Variants in TTC7A observed in about 807,000 individuals in gnomAD.
TTC7A encodes the protein tetratricopeptide repeat protein 7A.
In TTC7A, 110 loss-of-function variants were observed where a neutral mutation model predicts 103.7. The ratio of observed to expected loss-of-function variants is 1.06; its 90% CI spans 0.91 to 1.24. The LOEUF (loss-of-function observed/expected upper bound fraction) is 1.24. Ranked by LOEUF, TTC7A falls within the 50% of genes most tolerant of loss-of-function variation. TTC7A has a pLI of 0.00. For missense variants in TTC7A, 1,340 were observed against 1,116.3 expected (o/e 1.20, Z -2.86); for synonymous variants, 521 against 467.9 (o/e 1.11, Z -1.47).
intron 15 of TTC7A, among the ~76,000 whole-genome samples, chr2:47,030,330 G>T (rs901643032): frequency 5.3e-5 from 8 of 152,162 alleles, no homozygotes; most frequent in African/African-American, 1.9e-4. Context: ...AGTGGTGCCA[G>T]CCTAGGGAGG....
chr2:46,997,724 T>C (rs1363619871), intron 8 of TTC7A, among the ~76,000 whole-genome samples: 1 of 152,144 alleles, frequency 6.6e-6, no homozygotes, highest in Admixed American at 6.5e-5. Flanking sequence ...GAGGTGACTT[T>C]GGGGATCAGA....
chr2:47,000,067 C>G (rs184967796), intron 8 of TTC7A, among the ~76,000 whole-genome samples: 26 of 152,308 alleles, frequency 1.7e-4, no homozygotes, highest in Non-Finnish European at 2.8e-4. Context: ...CTAATAAGAT[C>G]TTTCTTGTAT....
intron 3 of TTC7A, among the ~76,000 whole-genome samples, chr2:46,969,159 T>C (rs2104163505): frequency 6.6e-6 from 1 of 152,054 alleles, no homozygotes; most frequent in East Asian, 1.9e-4. Context: ...TTTGCACATG[T>C]AATTTTTAAG....
At chr2:46,942,311 C>T (rs371096495) in intron 1 of TTC7A, among the ~76,000 whole-genome samples, 1 of 152,188 alleles carries the variant, frequency 6.6e-6, no homozygotes, top group African/African-American at 2.4e-5. Flanking sequence ...GGGCCGGGCT[C>T]TTGTGCTGGG....
chr2:46,923,736 C>CT (rs113000969), intron 2 of TTC7A, among the ~76,000 whole-genome samples: 1,890 of 145,676 alleles, frequency 0.013, 37 homozygotes, highest in African/African-American at 0.042. Flanking sequence ...TATAGAAAAA[C>CT]TTTTTTTTTT....
At chr2:47,004,100 CA>C (rs1355086814) in intron 8 of TTC7A, among the ~76,000 whole-genome samples, 1 of 152,232 alleles carries the variant, frequency 6.6e-6, no homozygotes, top group Middle Eastern at 3.2e-3. Context: ...TCCTGTTCCA[CA>C]GGCTGACTCC....
chr2:47,060,981 AG>A lies in TTC7A; in HGVS notation c.2355+11del. The A allele has an allele frequency of 6.3e-7, 1 of 1,586,926 alleles. No homozygotes were observed. The highest frequency in any genetic ancestry group is 1.3e-5 in the African/African-American group (1 of 74,584). The stretch of plus-strand genomic sequence containing the variant: ...CATCATGCATAGCCTGGTGAGTCAG[AG>A]CCCCCCGCGCTCCCACCACCTCCTC... On this transcript the variant is annotated intron_variant, in intron 19 of 19. Transcript: ENST00000319190.
At chr2:47,028,822 G>T (rs1680194547) in intron 14 of TTC7A, among the ~76,000 whole-genome samples, 1 of 152,116 alleles carries the variant, frequency 6.6e-6, no homozygotes, top group Non-Finnish European at 1.5e-5. Context: ...TTCCCTTCCT[G>T]TGGTCAAGCT....
intron 2 of TTC7A, among the ~76,000 whole-genome samples, chr2:46,934,721 C>T (rs1669878362): frequency 6.8e-6 from 1 of 147,616 alleles, no homozygotes; most frequent in Non-Finnish European, 1.5e-5. Context: ...ACCCGCACTT[C>T]AAAACCATCA....
In TTC7A at chr2:47,049,980, G is replaced by A; in HGVS notation, c.1951G>A (p.Gly651Ser). The A allele has an allele frequency of 6.2e-7, 1 of 1,614,130 alleles. No individual in the cohort carries two copies. The highest frequency in any genetic ancestry group is 8.5e-7 in the Non-Finnish European group (1 of 1,180,026). The change falls in exon 17 of 20, where the codon GGC (glycine) becomes AGC (serine). Residue 651 changes from glycine to serine, a missense_variant. Coordinates refer to ENST00000319190, the MANE Select transcript of TTC7A (RefSeq NM_020458.4). ...AGAAAAGGATGGCAGCTTCGGTGAG[G>A]GCCTCACCATGAAGAAGCAGAGTGG... ...GLEKDGSFGE[G>S]LTMKKQSGMH...
upstream of TTC7A, chr2:46,915,879 G>A (rs923627133): frequency 5.1e-6 from 5 of 976,916 alleles, no homozygotes; most frequent in African/African-American, 7.1e-5. Flanking sequence ...GGCGCCGCCG[G>A]GCCCCTCCCG....
At chr2:47,062,676 C>T (rs946226814) in intron 19 of TTC7A, among the ~76,000 whole-genome samples, 3 of 152,220 alleles carry the variant, frequency 2.0e-5, no homozygotes, top group African/African-American at 2.4e-5. Flanking sequence ...CAACAGAATC[C>T]AATAACAAGT....
chr2:47,011,280 T>C, intron 10 of TTC7A, 51 bp from the exon 11 acceptor site: 1 of 1,555,300 alleles, frequency 6.4e-7, no homozygotes, highest in Non-Finnish European at 8.8e-7. Context: ...CTGTGGGCCC[T>C]TGAGATCCAG....
Position 47,024,310 on chromosome 2 carries a change from A to AC in TTC7A, c.1597dup (p.Gln533ProfsTer33). The AC allele has an allele frequency of 1.2e-6, 2 of 1,606,526 alleles. No individual in the cohort carries two copies. The highest frequency in any genetic ancestry group is 1.3e-5 in the African/African-American group (1 of 74,434). On this transcript the variant is annotated frameshift_variant, in exon 14 of 20. Coordinates refer to ENST00000319190, the MANE Select transcript of TTC7A (RefSeq NM_020458.4). LOFTEE classifies it high-confidence loss of function. Reference sequence around the variant, plus strand: ...AGGGCTCAGCAGCTGGCGCCCAGTGACCCCCAGGTCATCCTCTATGTCTCG... The same window carrying AC: ...AGGGCTCAGCAGCTGGCGCCCAGTGACCCCCCAGGTCATCCTCTATGTCTCG...
intron 2 of TTC7A, among the ~76,000 whole-genome samples, chr2:46,924,865 A>C (rs911905994): frequency 6.6e-6 from 1 of 152,220 alleles, no homozygotes; most frequent in Non-Finnish European, 1.5e-5. Flanking sequence ...GGGCTCAAGC[A>C]ATCTGCCTGC....
At chr2:47,018,301 G>A (rs1678896421) in intron 11 of TTC7A, among the ~76,000 whole-genome samples, 1 of 150,284 alleles carries the variant, frequency 6.7e-6, no homozygotes, top group Non-Finnish European at 1.5e-5. Flanking sequence ...AAAAAAAGCT[G>A]GCCAGGCACA....
At chr2:46,975,722 A>G (rs2104239062) in intron 4 of TTC7A, among the ~76,000 whole-genome samples, 1 of 151,514 alleles carries the variant, frequency 6.6e-6, no homozygotes, top group South Asian at 2.1e-4. Flanking sequence ...TTTAATTTTT[A>G]TGCATTTTAT....
chr2:47,024,931 C>T (rs1413206323), intron 14 of TTC7A, among the ~76,000 whole-genome samples: 1 of 152,190 alleles, frequency 6.6e-6, no homozygotes, highest in African/African-American at 2.4e-5. Flanking sequence ...CAGGACTCCC[C>T]ACCTCAGGTC....
rs141800129 is a variant in TTC7A, at chr2:46,979,689, G to A, written c.764+782G>A. On this transcript the variant is annotated intron_variant, in intron 5 of 19. Coordinates refer to ENST00000319190, the MANE Select transcript of TTC7A (RefSeq NM_020458.4). ...GATTCAAGATGAGGAGTGCGTATTG[G>A]CAGCAAGTGTCGCTTCATGGCTATT... Among the ~76,000 whole-genome samples the A allele has an allele frequency of 6.1e-3, 928 of 152,310 alleles. 10 individuals carry two copies. The highest frequency in any genetic ancestry group is 0.021 in the African/African-American group (868 of 41,540).
Sources: allele counts gnomAD v4.1 joint callset (sites outside exome capture counted in the v4.1 genomes callset), GRCh38; gene constraint gnomAD v4.1.1; transcripts MANE v1.5; gene names NCBI Gene and HGNC (gene_info 2026-07-23, HGNC 2026-07-21).